Variants in CLASP1 observed in about 807,000 individuals in gnomAD.
CLASP1 encodes the protein CLIP-associating protein 1.
In CLASP1, 38 loss-of-function variants were observed where a neutral mutation model predicts 192.3. The observed-to-expected ratio is 0.20, with a 90% CI of 0.15 to 0.26. CLASP1 has a LOEUF of 0.26. Ranked by LOEUF, CLASP1 falls within the 10% of genes least tolerant of loss-of-function variation. CLASP1 has a pLI of 1.00. For synonymous variants in CLASP1, 691 were observed against 712.8 expected (o/e 0.97, Z 0.49); for missense variants, 1,433 against 1,932.5 (o/e 0.74, Z 4.85).
chr2:121,525,876 A>G, exon 6 of CLASP1: 2 of 1,613,566 alleles, frequency 1.2e-6, no homozygotes, highest in Non-Finnish European at 1.7e-6. Context: ...TAAGTTGCAT[A>G]TATGTGGCAC....
intron 2 of CLASP1, among the ~76,000 whole-genome samples, chr2:121,594,096 C>T (rs148717047): frequency 0.035 from 5,296 of 151,882 alleles, 153 homozygotes; most frequent in East Asian, 0.14. Context: ...GTCAGGAGAT[C>T]GAGACCATTC....
intron 14 of CLASP1, among the ~76,000 whole-genome samples, chr2:121,453,422 G>A (rs1265491645): frequency 6.6e-6 from 1 of 152,194 alleles, no homozygotes; most frequent in Non-Finnish European, 1.5e-5. Flanking sequence ...CAGAATGCAA[G>A]GGGCTCCAGC....
chr2:121,639,233 C>A (rs186824402), intron 1 of CLASP1, among the ~76,000 whole-genome samples: 8 of 151,762 alleles, frequency 5.3e-5, no homozygotes, highest in South Asian at 4.2e-4. Flanking sequence ...GCCAAGATTG[C>A]GACACTGCAC....
chr2:121,517,108 G>C (rs891889885), intron 6 of CLASP1, among the ~76,000 whole-genome samples: 1 of 152,246 alleles, frequency 6.6e-6, no homozygotes, highest in African/African-American at 2.4e-5. Flanking sequence ...GTATGTATGT[G>C]TGTACACAGA....
chr2:121,361,847 G>GCAACCAA (rs2066469345), intron 37 of CLASP1, among the ~76,000 whole-genome samples: 1 of 152,238 alleles, frequency 6.6e-6, no homozygotes. Flanking sequence ...AACCAAGCCA[G>GCAACCAA]ATTTTGGAAA....
intron 34 of CLASP1, among the ~76,000 whole-genome samples, chr2:121,376,445 T>C (rs190223999): frequency 1.3e-4 from 18 of 138,202 alleles, no homozygotes; most frequent in Admixed American, 1.1e-3. Context: ...TCATATATTC[T>C]CACTCATTTA....
intron 2 of CLASP1, among the ~76,000 whole-genome samples, chr2:121,552,195 A>T (rs2058105214): frequency 6.6e-6 from 1 of 152,236 alleles, no homozygotes; most frequent in Non-Finnish European, 1.5e-5. Flanking sequence ...TCAAGTCATG[A>T]TGAATTAAAG....
intron 6 of CLASP1, 41 bp from the exon 7 acceptor site, chr2:121,515,803 TC>T: frequency 6.4e-7 from 1 of 1,563,620 alleles, no homozygotes. Context: ...CTCTGTGTCA[TC>T]CCCCAGCAAG....
rs370591250 is a variant in CLASP1 at position 121,630,802 on chromosome 2, G to C, written c.-286+18570C>G. 1.2e-4 allele frequency among the ~76,000 whole-genome samples: 18 copies of C among 148,400 alleles called. No individual in the cohort carries two copies. The South Asian group carries it at 3.9e-3, about 32-fold the overall frequency. On this transcript the variant is annotated intron_variant, in intron 1 of 39. Transcript: ENST00000263710. ...TCGCTTGAACCCAGCAGAGGTTGCAGTGAGCCAAGATCTAGCCATTGCACT... is the reference window on the plus strand; with the variant it reads ...TCGCTTGAACCCAGCAGAGGTTGCACTGAGCCAAGATCTAGCCATTGCACT...
intron 2 of CLASP1, among the ~76,000 whole-genome samples, chr2:121,589,446 A>G (rs1321894123): frequency 6.6e-6 from 1 of 152,108 alleles, no homozygotes. Context: ...CCTGGCCAAC[A>G]TGGTAAAACC....
intron 27 of CLASP1, 87 bp from the exon 29 acceptor site, chr2:121,401,759 G>C (rs1485333539): frequency 3.5e-6 from 4 of 1,132,252 alleles, no homozygotes; most frequent in Non-Finnish European, 5.3e-6. Context: ...GCCCATACGT[G>C]CTTTGCCCAG....
At chr2:121,401,584 T>C (rs1212709927) in exon 28 of CLASP1, 1 of 1,612,972 alleles carries the variant, frequency 6.2e-7, no homozygotes, top group East Asian at 2.2e-5. Flanking sequence ...CTTAAGTAAT[T>C]GTGTGAGAAG....
chr2:121,508,592 T>C (rs935656374), intron 7 of CLASP1, among the ~76,000 whole-genome samples: 2 of 152,222 alleles, frequency 1.3e-5, no homozygotes, highest in Non-Finnish European at 2.9e-5. Context: ...CTCAACTTTA[T>C]AGTGTCTACA....
intron 30 of CLASP1, among the ~76,000 whole-genome samples, chr2:121,395,188 T>C (rs2075081002): frequency 6.6e-6 from 1 of 152,004 alleles, no homozygotes; most frequent in South Asian, 2.1e-4. Flanking sequence ...TTTCAGCCTT[T>C]GAGACACCAA....
At chr2:121,406,019 G>A (rs1417248461) in intron 25 of CLASP1, among the ~76,000 whole-genome samples, 1 of 152,160 alleles carries the variant, frequency 6.6e-6, no homozygotes, top group Non-Finnish European at 1.5e-5. Flanking sequence ...GGATAAAGTA[G>A]ACTGCATTTC....
rs112704872 is a variant in CLASP1 at position 121,357,756 on chromosome 2, G to A, written c.4206+5416C>T. 9.2e-5 allele frequency among the ~76,000 whole-genome samples: 14 copies of A among 152,266 alleles called. No homozygotes were observed. The East Asian group carries it at 2.1e-3, about 23-fold the overall frequency. ...TGAGGTGGGCTATGTTTCTCCACTC[G>A]ACACAGAGAATATGAGGGCTCACAA... On this transcript the variant is annotated intron_variant, in intron 37 of 39. Transcript: ENST00000263710.
At chr2:121,634,353 T>C (rs181057677) in intron 1 of CLASP1, among the ~76,000 whole-genome samples, 1 of 152,328 alleles carries the variant, frequency 6.6e-6, no homozygotes, top group East Asian at 1.9e-4. Flanking sequence ...ATAACACTTT[T>C]ATTTTAATGT....
chr2:121,460,697 T>C (rs2087746779), intron 11 of CLASP1, among the ~76,000 whole-genome samples: 2 of 152,178 alleles, frequency 1.3e-5, no homozygotes, highest in South Asian at 4.1e-4. Context: ...TTTCCATTAA[T>C]CTACTTTTAA....
intron 37 of CLASP1, among the ~76,000 whole-genome samples, chr2:121,362,371 G>T (rs964198587): frequency 6.7e-6 from 1 of 150,020 alleles, no homozygotes; most frequent in African/African-American, 2.4e-5. Flanking sequence ...AATCCAATAA[G>T]CAACAGGCTG....
Sources: gnomAD v4.1 joint callset for allele counts (sites outside exome capture counted in the v4.1 genomes callset) on GRCh38, gnomAD v4.1.1 for gene constraint, MANE v1.5 for transcripts, NCBI Gene and HGNC (gene_info 2026-07-23, HGNC 2026-07-21) for gene names.